The following LRMDA variants were observed in gnomAD, a reference collection of about 807,000 sequenced individuals.
The protein encoded by LRMDA is leucine rich melanocyte differentiation associated.
A neutral mutation model predicts 29.8 loss-of-function variants in LRMDA; 18 were observed. The observed-to-expected ratio is 0.60, with a 90% CI of 0.42 to 0.90. The LOEUF (loss-of-function observed/expected upper bound fraction) is 0.90, where lower values mean the gene tolerates loss of function less well. LRMDA is among the 40% of genes least tolerant of loss of function. The probability of loss-of-function intolerance (pLI) is 0.00; values close to 1 mark genes in which losing one functional copy is unlikely to be tolerated. For synonymous variants in LRMDA, 125 were observed against 109.4 expected (o/e 1.14, Z -0.89); for missense variants, 273 against 273.9 (o/e 1.00, Z 0.02).
chr10:75,665,480 AATG>A (rs1841810466), intron 2 of LRMDA, among the ~76,000 whole-genome samples: 1 of 152,234 alleles, frequency 6.6e-6, no homozygotes, highest in Non-Finnish European at 1.5e-5. Flanking sequence ...TGGTGGTTAA[AATG>A]ATAAGAACAT....
chr10:75,432,630 T>A (rs1844213577), intron 1 of LRMDA, among the ~76,000 whole-genome samples: 1 of 152,148 alleles, frequency 6.6e-6, no homozygotes, highest in East Asian at 1.9e-4. Flanking sequence ...TAGTTCTGAG[T>A]TTTTGAAGCT....
chr10:75,745,262 C>G (rs1019253770), intron 2 of LRMDA, among the ~76,000 whole-genome samples: 2 of 120,870 alleles, frequency 1.7e-5, no homozygotes, highest in Admixed American at 1.7e-4. Flanking sequence ...ATCTCTCTCT[C>G]TCTTTCTCTC....
At chr10:75,782,153 C>A (rs1222083404) in intron 2 of LRMDA, among the ~76,000 whole-genome samples, 1 of 152,178 alleles carries the variant, frequency 6.6e-6, no homozygotes, top group Non-Finnish European at 1.5e-5. Flanking sequence ...AATCTTGAGG[C>A]TTTGTGATGG....
At position 76,265,930 on chromosome 10, in the gene LRMDA, A is replaced by G. The variant is rs894436960; in HGVS notation, c.517-58471A>G. Among the ~76,000 whole-genome samples the G allele has an allele frequency of 3.9e-5, 6 of 152,346 alleles. 1 individual carries two copies. The highest frequency in any genetic ancestry group is 6.5e-5 in the Admixed American group (1 of 15,302). On this transcript the variant is annotated intron_variant, in intron 5 of 6. Transcript: ENST00000611255. Reference sequence around the variant, plus strand: ...TTCCTGGTATTAGACTAACTGGCAAAGTAAATTAATCATCTGCAAGATTTC... The same window carrying G: ...TTCCTGGTATTAGACTAACTGGCAAGGTAAATTAATCATCTGCAAGATTTC...
intron 2 of LRMDA, among the ~76,000 whole-genome samples, chr10:75,749,571 C>T (rs1340056659): frequency 6.7e-6 from 1 of 150,088 alleles, no homozygotes; most frequent in African/African-American, 2.5e-5. Flanking sequence ...TTTCTTTGAA[C>T]ATCTGAAATT....
intron 6 of LRMDA, among the ~76,000 whole-genome samples, chr10:76,513,514 C>T (rs892556022): frequency 2.6e-5 from 4 of 152,108 alleles, no homozygotes; most frequent in Admixed American, 1.3e-4. Context: ...AGTACCAACT[C>T]ATTATCATCA....
intron 6 of LRMDA, among the ~76,000 whole-genome samples, chr10:76,533,574 A>G (rs1353621984): frequency 6.6e-6 from 1 of 152,146 alleles, no homozygotes; most frequent in Non-Finnish European, 1.5e-5. Flanking sequence ...GCTCTTTGGA[A>G]GTTAGGGTCA....
At position 76,220,470 on chromosome 10, in the gene LRMDA, G is replaced by T. The variant is rs535311767; in HGVS notation, c.517-103931G>T. On this transcript the variant is annotated intron_variant, in intron 5 of 6. Coordinates refer to ENST00000611255, the MANE Select transcript of LRMDA (RefSeq NM_001305581.2). The stretch of plus-strand genomic sequence containing the variant: ...CCGATCCCACAGAAATACAAACTAC[G>T]ATCAGAGAATACTACAAACACCTCT... 5.1e-4 allele frequency among the ~76,000 whole-genome samples: 78 copies of T among 152,054 alleles called. 1 individual carries two copies. The highest frequency in any genetic ancestry group is 6.8e-3 in the Middle Eastern group (2 of 292).
chr10:75,599,114 A>C (rs1231879541), intron 2 of LRMDA, among the ~76,000 whole-genome samples: 1 of 151,694 alleles, frequency 6.6e-6, no homozygotes, highest in Non-Finnish European at 1.5e-5. Context: ...AATTAATCTA[A>C]GATTTCCATC....
chr10:76,322,974 T>C (rs1208742319), intron 5 of LRMDA, among the ~76,000 whole-genome samples: 1 of 152,160 alleles, frequency 6.6e-6, no homozygotes, highest in East Asian at 1.9e-4. Flanking sequence ...TAGTATTTGA[T>C]TTTTAATAAT....
At chr10:76,159,328 TG>T (rs1210122351) in intron 5 of LRMDA, among the ~76,000 whole-genome samples, 33 of 152,182 alleles carry the variant, frequency 2.2e-4, no homozygotes, top group Admixed American at 1.9e-3. Context: ...ATTAAAATAA[TG>T]AGATACCACT....
intron 5 of LRMDA, among the ~76,000 whole-genome samples, chr10:76,212,917 T>C (rs1039391894): frequency 1.3e-5 from 2 of 152,158 alleles, no homozygotes; most frequent in African/African-American, 2.4e-5. Context: ...ATAAATTCAG[T>C]CCCTTTTGTG....
intron 3 of LRMDA, among the ~76,000 whole-genome samples, chr10:76,046,139 C>CT (rs34969337): frequency 0.49 from 74,340 of 151,906 alleles, 18,461 homozygotes; most frequent in African/African-American, 0.53. Flanking sequence ...ACTTGGTTAA[C>CT]CCTCTCTCAT....
intron 2 of LRMDA, among the ~76,000 whole-genome samples, chr10:75,863,891 A>G (rs908845291): frequency 6.6e-6 from 1 of 152,196 alleles, no homozygotes; most frequent in Non-Finnish European, 1.5e-5. Flanking sequence ...GATTTTTCCC[A>G]TATATTATTT....
chr10:76,305,217 T>A (rs1485228013), intron 5 of LRMDA, among the ~76,000 whole-genome samples: 2 of 152,096 alleles, frequency 1.3e-5, no homozygotes, highest in East Asian at 3.9e-4. Context: ...AACCTAGGAA[T>A]CCTGGATATG....
intron 2 of LRMDA, among the ~76,000 whole-genome samples, chr10:75,605,521 A>T (rs115722000): frequency 6.6e-6 from 1 of 152,246 alleles, no homozygotes; most frequent in Non-Finnish European, 1.5e-5. Context: ...GAAGTTAAAC[A>T]TATTGAAAGG....
At chr10:75,635,465 G>A (rs1841379611) in intron 2 of LRMDA, among the ~76,000 whole-genome samples, 1 of 152,082 alleles carries the variant, frequency 6.6e-6, no homozygotes, top group Non-Finnish European at 1.5e-5. Context: ...TTCAGTTTTT[G>A]GAGAAATTTG....
intron 2 of LRMDA, among the ~76,000 whole-genome samples, chr10:75,939,339 G>A (rs575893097): frequency 3.2e-4 from 49 of 152,228 alleles, no homozygotes; most frequent in African/African-American, 1.1e-3. Context: ...TACCCCACAA[G>A]CATTTGACTT....
At chr10:75,774,263 T>TA (rs1843280141) in intron 2 of LRMDA, among the ~76,000 whole-genome samples, 1 of 152,232 alleles carries the variant, frequency 6.6e-6, no homozygotes, top group Admixed American at 6.5e-5. Flanking sequence ...TTTAAGTTCT[T>TA]ACATCCTTTT....
Sources: gnomAD v4.1 joint callset for allele counts (sites outside exome capture counted in the v4.1 genomes callset) on GRCh38, gnomAD v4.1.1 for gene constraint, MANE v1.5 for transcripts, NCBI Gene and HGNC (gene_info 2026-07-23, HGNC 2026-07-21) for gene names.